FKBP9: variants seen among roughly 807,000 people sequenced by gnomAD.
FKBP9 encodes peptidyl-prolyl cis-trans isomerase FKBP9.
In FKBP9, 27 loss-of-function variants were observed where a neutral mutation model predicts 55.6. The ratio of observed to expected loss-of-function variants is 0.49; its 90% confidence interval spans 0.36 to 0.67. FKBP9 has a LOEUF of 0.67. Ranked by LOEUF, FKBP9 falls within the 30% of genes least tolerant of loss-of-function variation. The pLI is 0.00. For synonymous variants in FKBP9, 267 were observed against 296.5 expected (o/e 0.90, Z 1.02); for missense variants, 539 against 742.8 (o/e 0.73, Z 3.19).
intron 1 of FKBP9, among the ~76,000 whole-genome samples, chr7:32,958,250 A>T (rs1783945225): frequency 6.6e-6 from 1 of 152,230 alleles, no homozygotes; most frequent in Non-Finnish European, 1.5e-5. Context: ...TGAAGAGGCT[A>T]GCAGCCCCAA....
rs767230201 is a variant in FKBP9 at position 32,996,247 on chromosome 7, C to A, written c.1124C>A (p.Ser375Tyr). ...HNPSDSISIT[S>Y]HYKPPDCSVL... The stretch of plus-strand genomic sequence containing the variant: ...CCTTCGGACTCCATCAGCATCACCT[C>A]CCACTACAAACCCCCTGACTGCTCA... Residue 375 changes from serine (S) to tyrosine (Y), a missense_variant, in exon 7 of 10, where the codon TCC becomes TAC. By Grantham distance (144) the Ser-to-Tyr change is moderately radical. Transcript: ENST00000242209. 2.0e-5 allele frequency: 32 copies of A among 1,613,948 alleles called. No homozygotes were observed. The highest frequency in any genetic ancestry group is 2.5e-5 in the Non-Finnish European group (30 of 1,179,900).
At chr7:32,967,938 A>G in intron 1 of FKBP9, among the ~76,000 whole-genome samples, 1 of 152,120 alleles carries the variant, frequency 6.6e-6, no homozygotes. Flanking sequence ...TATTTTTAGT[A>G]GAGACAGGGT....
intron 5 of FKBP9, among the ~76,000 whole-genome samples, chr7:32,985,177 T>C (rs1161969832): frequency 1.6e-5 from 2 of 124,926 alleles, no homozygotes; most frequent in Non-Finnish European, 3.4e-5. Context: ...TTTCTTTCTT[T>C]CTTTTTTTTT....
At position 32,957,595 on chromosome 7, in the gene FKBP9, C is replaced by G; in HGVS notation, c.22C>G (p.Pro8Ala). ...CCCGATGGCGTTCCGGGGCTGGAGG[C>G]CCCCGCCGCCACCGCTGCTCCTGCT... The part of the protein sequence containing the change: MAFRGWR[P>A]PPPPLLLLLL... The change falls in exon 1 of 10, where the codon CCC becomes GCC. Residue 8 changes from proline (P) to alanine (A), a missense_variant. Physicochemically the swap from Pro to Ala is conservative, Grantham distance 27 (BLOSUM62 -1). Transcript: ENST00000242209. 2 of 1,473,512 alleles carry G rather than the reference C, an allele frequency of 1.4e-6. No homozygotes were observed. The highest frequency in any genetic ancestry group is 3.0e-5 in the East Asian group (1 of 33,732). The allele number at this position is 1,473,512 out of a possible 1,614,324, so 91.3% of individuals were successfully genotyped here.
In FKBP9 at chr7:33,006,872, T is replaced by C. The variant is rs1252767476; in HGVS notation, c.*1521T>C. 1.6e-5 allele frequency: 3 copies of C among 188,680 alleles called. No homozygotes were observed. Among genetic ancestry groups the C allele is most frequent in the Admixed American group, 6.2e-5 (1 of 16,194 alleles). 11.7% of individuals were successfully genotyped at this position (188,680 alleles called of 1,614,324 possible). ...AGTTCATGAAAATGCTGTGCACTCA[T>C]TCCATGGAATAAATGTTGGAAAGCT... is the stretch of plus-strand genomic sequence containing the variant. On this transcript the variant is annotated 3_prime_UTR_variant, in exon 10 of 10. Transcript: ENST00000242209.
At chr7:32,978,538 T>C (rs1368590033) in intron 4 of FKBP9, among the ~76,000 whole-genome samples, 1 of 151,972 alleles carries the variant, frequency 6.6e-6, no homozygotes, top group East Asian at 1.9e-4. Context: ...AAAAAGTTTT[T>C]TTAGAGACAG....
chr7:32,978,799 T>C (rs1245458216), intron 4 of FKBP9, among the ~76,000 whole-genome samples: 1 of 152,216 alleles, frequency 6.6e-6, no homozygotes, highest in Non-Finnish European at 1.5e-5. Context: ...ATTTCTTTAC[T>C]TTAAATAAAT....
chr7:32,969,024 G>C lies in FKBP9; in HGVS notation c.222-5593G>C, dbSNP rs756878636. Among the ~76,000 whole-genome samples, 49 of 152,268 alleles carry C rather than the reference G, an allele frequency of 3.2e-4. 1 individual carries two copies. The highest frequency in any genetic ancestry group is 1.1e-3 in the African/African-American group (47 of 41,552). Reference sequence around the variant, plus strand: ...ATGTGGAGCATCTTTTCATTCGCTTGTTGGCCATTTGTATATCTTTTTTGG... The same window carrying C: ...ATGTGGAGCATCTTTTCATTCGCTTCTTGGCCATTTGTATATCTTTTTTGG... On this transcript the variant is annotated intron_variant, in intron 1 of 9. Coordinates refer to ENST00000242209, the MANE Select transcript of FKBP9 (RefSeq NM_007270.5).
rs1364734588 is a variant in FKBP9 at position 32,996,222 on chromosome 7, C to G, written c.1099C>G (p.Pro367Ala). Residue 367 changes from proline to alanine, a missense_variant, in exon 7 of 10, where the codon CCT becomes GCT. Pro to Ala is a conservative substitution (Grantham distance 27). Transcript: ENST00000242209. ...FDIHVIDFHN[P>A]SDSISITSHY... ...CATCCATGTGATCGACTTCCACAAC[C>G]CTTCGGACTCCATCAGCATCACCTC... 1.2e-6 allele frequency: 2 copies of G among 1,614,116 alleles called. No individual in the cohort carries two copies. Among genetic ancestry groups the G allele is most frequent in the African/African-American group, 1.3e-5 (1 of 75,030 alleles).
intron 7 of FKBP9, among the ~76,000 whole-genome samples, chr7:32,996,599 T>C (rs1784792026): frequency 6.7e-6 from 1 of 150,016 alleles, no homozygotes; most frequent in Non-Finnish European, 1.5e-5. Context: ...ATCGTATAAC[T>C]GCTATCTTTC....
In FKBP9 at chr7:32,975,247, G is replaced by A. The variant is rs1784335075; in HGVS notation, c.433G>A (p.Glu145Lys). The A allele has an allele frequency of 1.2e-6, 2 of 1,613,712 alleles. No individual in the cohort carries two copies. The highest frequency in any genetic ancestry group is 2.2e-5 in the East Asian group (1 of 44,898). ...DVLLMDIWNSEDQVQIHTYFK... is the reference protein window; with the variant it reads ...DVLLMDIWNSKDQVQIHTYFK... ...ACTTCTGATGGATATTTGGAATTCT[G>A]AAGACCAGGTTCAGATTCACACCTA... The change falls in exon 3 of 10, where the codon GAA (glutamate) becomes AAA (lysine). Residue 145 changes from glutamate (E) to lysine (K), a missense_variant. By Grantham distance (56) the Glu-to-Lys change is moderately conservative. Transcript: ENST00000242209.
intron 1 of FKBP9, among the ~76,000 whole-genome samples, chr7:32,963,988 G>A (rs1245698201): frequency 6.6e-6 from 1 of 152,240 alleles, no homozygotes; most frequent in Non-Finnish European, 1.5e-5. Flanking sequence ...CAGTAGGCTG[G>A]ACAGCAGCCA....
intron 9 of FKBP9, 129 bp from the exon 10 acceptor site, chr7:33,005,046 A>G: frequency 2.8e-6 from 4 of 1,436,304 alleles, no homozygotes; most frequent in South Asian, 1.4e-5. Context: ...TGCCAAAAAG[A>G]TCTTGTCTGT....
chr7:32,965,629 C>A (rs1165783177), intron 1 of FKBP9, among the ~76,000 whole-genome samples: 4 of 148,014 alleles, frequency 2.7e-5, no homozygotes, highest in African/African-American at 7.5e-5. Flanking sequence ...GAAACCCCAT[C>A]TCTACTAAAA....
chr7:32,973,682 G>T lies in FKBP9; in HGVS notation c.222-935G>T, dbSNP rs963234852. ...AGAAAATGAAATGAAGTTTTTTGTTGTTTTTTTTTTTTTTTTTTTTTTTTT... is the reference window on the plus strand; with the variant it reads ...AGAAAATGAAATGAAGTTTTTTGTTTTTTTTTTTTTTTTTTTTTTTTTTTT... On this transcript the variant is annotated intron_variant, in intron 1 of 9. Coordinates refer to ENST00000242209, the MANE Select transcript of FKBP9 (RefSeq NM_007270.5). Among the ~76,000 whole-genome samples the T allele has an allele frequency of 3.3e-3, 214 of 64,840 alleles. 1 individual carries two copies. Among genetic ancestry groups the T allele is most frequent in the East Asian group, 6.4e-3 (14 of 2,180 alleles). 42.5% of individuals were successfully genotyped at this position (64,840 alleles called of 152,430 possible). A position where few individuals can be genotyped will look rare whatever the true frequency, so the allele number is the denominator to read the frequency against.
chr7:33,000,713 T>C (rs942204198), intron 8 of FKBP9, among the ~76,000 whole-genome samples: 1 of 152,066 alleles, frequency 6.6e-6, no homozygotes, highest in Non-Finnish European at 1.5e-5. Flanking sequence ...TGGCTTTACC[T>C]CATCCTCACA....
rs983520751 is a variant in FKBP9 at position 32,963,566 on chromosome 7, A to G, written c.221+5772A>G. On this transcript the variant is annotated intron_variant, in intron 1 of 9. Transcript: ENST00000242209. ...CAGGTACTGGGATACAGCGGAGGAT[A>G]AAGCTGACAAAAGTCCCTGCCCTCA... 26 of 1,286,386 alleles carry G rather than the reference A, an allele frequency of 2.0e-5. No individual in the cohort carries two copies. In the African/African-American group the frequency reaches 3.4e-4, roughly 17 times the overall value. The allele number at this position is 1,286,386 out of a possible 1,614,324, so 79.7% of individuals were successfully genotyped here. A position where few individuals can be genotyped will look rare whatever the true frequency, so the allele number is the denominator to read the frequency against.
rs201370297 is a variant in FKBP9, at chr7:32,961,700, A to C, written c.221+3906A>C. 5.9e-5 allele frequency among the ~76,000 whole-genome samples: 9 copies of C among 152,006 alleles called. No homozygotes were observed. The East Asian group carries it at 1.5e-3, about 26-fold the overall frequency. ...TTTACAGTGTCTCCGCATTGCTCAC[A>C]TCACTGCTTGAGCTCGGCCTCCTGT... On this transcript the variant is annotated intron_variant, in intron 1 of 9. Coordinates refer to ENST00000242209, the MANE Select transcript of FKBP9 (RefSeq NM_007270.5).
At chr7:32,982,674 A>G (rs1784502463) in intron 5 of FKBP9, among the ~76,000 whole-genome samples, 1 of 152,168 alleles carries the variant, frequency 6.6e-6, no homozygotes, top group Admixed American at 6.5e-5. Context: ...CCCTGGAATT[A>G]TATTTCCAAT....
Sources: gnomAD v4.1 joint callset for allele counts (sites outside exome capture counted in the v4.1 genomes callset) on GRCh38, gnomAD v4.1.1 for gene constraint, MANE v1.5 for transcripts, NCBI Gene and HGNC (gene_info 2026-07-23, HGNC 2026-07-21) for gene names.